The following LEPR variants were observed in gnomAD, a reference collection of about 807,000 sequenced individuals.
The protein encoded by LEPR is leptin receptor.
In LEPR, 56 loss-of-function variants were observed where a neutral mutation model predicts 114.7. That is an observed-to-expected ratio of 0.49 (90% CI 0.39 to 0.61). The LOEUF (loss-of-function observed/expected upper bound fraction) is 0.61, where lower values mean the gene tolerates loss of function less well. Among genes scored for constraint, LEPR ranks in the 20% least tolerant of loss-of-function variants. The probability of loss-of-function intolerance (pLI) is 0.00; values close to 1 mark genes in which losing one functional copy is unlikely to be tolerated. For synonymous variants in LEPR, 443 were observed against 461.4 expected (o/e 0.96, Z 0.51); for missense variants, 1,202 against 1,352.9 (o/e 0.89, Z 1.75).
At chr1:65,491,890 C>T (rs531927072) in intron 2 of LEPR, among the ~76,000 whole-genome samples, 5 of 152,012 alleles carry the variant, frequency 3.3e-5, no homozygotes, top group African/African-American at 1.2e-4. Flanking sequence ...TAGCTTTTGT[C>T]GTTTTGTGTT....
chr1:65,530,740 C>T (rs1411606415), intron 2 of LEPR, among the ~76,000 whole-genome samples: 1 of 152,144 alleles, frequency 6.6e-6, no homozygotes. Flanking sequence ...GTATCTTGTC[C>T]TGACCTCCTA....
At chr1:65,508,156 G>A (rs1648851411) in intron 2 of LEPR, among the ~76,000 whole-genome samples, 1 of 152,138 alleles carries the variant, frequency 6.6e-6, no homozygotes, top group Admixed American at 6.5e-5. Flanking sequence ...TTACTCTTTT[G>A]AGATTTTCCT....
rs139009710 is a variant in LEPR at position 65,532,032 on chromosome 1, G to A, written c.-20-33514G>A. ...GCTCTACACCAGATGGACAAACTTCGTATTGCCAGAACATTTAATTTTTCG... is the reference window on the plus strand; with the variant it reads ...GCTCTACACCAGATGGACAAACTTCATATTGCCAGAACATTTAATTTTTCG... On this transcript the variant is annotated intron_variant, in intron 2 of 19. Coordinates refer to ENST00000349533, the MANE Select transcript of LEPR (RefSeq NM_002303.6). Among the ~76,000 whole-genome samples, 62 of 152,256 alleles carry A rather than the reference G, an allele frequency of 4.1e-4. 1 individual carries two copies. The highest frequency in any genetic ancestry group is 8.5e-4 in the Admixed American group (13 of 15,296).
At chr1:65,445,440 C>A (rs545043843) in intron 2 of LEPR, among the ~76,000 whole-genome samples, 4 of 152,154 alleles carry the variant, frequency 2.6e-5, no homozygotes, top group Non-Finnish European at 5.9e-5. Flanking sequence ...TTCTGTCCTT[C>A]GAACCCCAAA....
At chr1:65,547,120 T>C (rs374983203) in intron 2 of LEPR, among the ~76,000 whole-genome samples, 65 of 151,788 alleles carry the variant, frequency 4.3e-4, no homozygotes, top group African/African-American at 1.1e-3. Context: ...TATTGATTTG[T>C]GTATATTGAA....
chr1:65,470,312 G>A (rs570301044), intron 2 of LEPR, among the ~76,000 whole-genome samples: 7 of 152,286 alleles, frequency 4.6e-5, no homozygotes, highest in Admixed American at 2.0e-4. Flanking sequence ...CCCTCACGGT[G>A]AAAGCACAAA....
rs1460259802 is a variant in LEPR at position 65,421,270 on chromosome 1, G to C, written c.-97+530G>C. The C allele has an allele frequency of 6.8e-6, 10 of 1,469,448 alleles. No homozygotes were observed. The East Asian group carries it at 1.0e-4, about 15-fold the overall frequency. 91.0% of individuals were successfully genotyped at this position (1,469,448 alleles called of 1,614,324 possible). On this transcript the variant is annotated intron_variant, in intron 1 of 19. Coordinates refer to ENST00000349533, the MANE Select transcript of LEPR (RefSeq NM_002303.6). ...ACGGTGTTTCTCGCAGTCGTGGAGAGTAGATTACGTGTAATTTTAATACTG... is the reference window on the plus strand; with the variant it reads ...ACGGTGTTTCTCGCAGTCGTGGAGACTAGATTACGTGTAATTTTAATACTG...
chr1:65,439,803 G>A (rs1646622998), intron 2 of LEPR, among the ~76,000 whole-genome samples: 1 of 146,896 alleles, frequency 6.8e-6, no homozygotes, highest in Non-Finnish European at 1.5e-5. Context: ...ACTCCAGCCT[G>A]GGCAACAAGA....
At position 65,616,123 on chromosome 1, in the gene LEPR, T is replaced by C; in HGVS notation, c.2111T>C (p.Leu704Pro). The C allele has an allele frequency of 6.2e-7, 1 of 1,614,226 alleles. No individual in the cohort carries two copies. The highest frequency in any genetic ancestry group is 8.5e-7 in the Non-Finnish European group (1 of 1,180,032). ...DVGNHTKFTF[L>P]WTEQAHTVTV... The stretch of plus-strand genomic sequence containing the variant: ...GGAAATCACACGAAATTCACTTTCC[T>C]GTGGACAGAGCAAGCACATACTGTT... The change falls in exon 15 of 20, where the codon CTG (leucine) becomes CCG (proline). Residue 704 changes from leucine (L) to proline (P), a missense_variant. Leu to Pro is a moderately conservative substitution (Grantham distance 98). Transcript: ENST00000349533.
At chr1:65,551,901 T>C (rs141602588) in intron 2 of LEPR, among the ~76,000 whole-genome samples, 84 of 152,326 alleles carry the variant, frequency 5.5e-4, no homozygotes, top group African/African-American at 2.0e-3. Context: ...TTCTGGTACG[T>C]TGTGTCTTTG....
At chr1:65,565,394 C>T (rs750636292) in intron 2 of LEPR, among the ~76,000 whole-genome samples, 152 bp from the exon 3 acceptor site, 6 of 152,148 alleles carry the variant, frequency 3.9e-5, no homozygotes, top group Admixed American at 1.3e-4. Flanking sequence ...CCTAATTTTA[C>T]GTGAGATATT....
At chr1:65,546,840 A>T (rs549034371) in intron 2 of LEPR, among the ~76,000 whole-genome samples, 1 of 152,262 alleles carries the variant, frequency 6.6e-6, no homozygotes, top group African/African-American at 2.4e-5. Context: ...AACTTCCAAC[A>T]CTATGTTGAA....
chr1:65,432,930 C>T, intron 2 of LEPR: 1 of 966,360 alleles, frequency 1.0e-6, no homozygotes, highest in Non-Finnish European at 1.2e-6. Context: ...AATAATTTGT[C>T]AATATATAAT....
intron 2 of LEPR, among the ~76,000 whole-genome samples, chr1:65,546,979 C>T (rs1343018814): frequency 4.6e-5 from 7 of 152,110 alleles, no homozygotes; most frequent in Non-Finnish European, 8.8e-5. Context: ...GAGATATGTC[C>T]CATGAATACC....
At chr1:65,579,986 AC>A (rs1654870326) in intron 5 of LEPR, among the ~76,000 whole-genome samples, 1 of 152,208 alleles carries the variant, frequency 6.6e-6, no homozygotes, top group Admixed American at 6.5e-5. Context: ...AAACTTTCTT[AC>A]AAGATGATTT....
chr1:65,484,827 C>T (rs1437791998), intron 2 of LEPR, among the ~76,000 whole-genome samples: 2 of 152,134 alleles, frequency 1.3e-5, no homozygotes, highest in East Asian at 1.9e-4. Context: ...ATATGGTTTA[C>T]TAGAATCTGA....
Position 65,596,597 on chromosome 1 carries a change from A to G in LEPR, c.849+4A>G. 2 of 1,610,836 alleles carry G rather than the reference A, an allele frequency of 1.2e-6. No individual in the cohort carries two copies. The highest frequency in any genetic ancestry group is 1.1e-5 in the South Asian group (1 of 90,966). ...TTCTACAACAGTTATCAGAGAAGTA[A>G]GTATATTTTAGTAAGTAAAAGGAAA... On this transcript the variant is annotated splice_donor_region_variant and intron_variant, in intron 7 of 19. Transcript: ENST00000349533.
intron 2 of LEPR, among the ~76,000 whole-genome samples, chr1:65,461,358 G>A (rs1646943651): frequency 6.6e-6 from 1 of 152,106 alleles, no homozygotes; most frequent in Admixed American, 6.5e-5. Flanking sequence ...ACTGGGGCAG[G>A]AAATACAAAC....
At chr1:65,470,473 TA>T (rs1272269019) in intron 2 of LEPR, among the ~76,000 whole-genome samples, 3 of 152,228 alleles carry the variant, frequency 2.0e-5, no homozygotes, top group Non-Finnish European at 4.4e-5. Context: ...TCATTTTCAT[TA>T]TGTGAGAAAA....
Sources: gnomAD v4.1 joint callset for allele counts (sites outside exome capture counted in the v4.1 genomes callset) on GRCh38, gnomAD v4.1.1 for gene constraint, MANE v1.5 for transcripts, NCBI Gene and HGNC (gene_info 2026-07-23, HGNC 2026-07-21) for gene names.